Variants in CNTN4 observed in about 807,000 individuals in gnomAD.
CNTN4 encodes contactin 4.
Under a neutral mutation model 122.5 loss-of-function variants are expected in CNTN4, and 77 were observed. That is an observed-to-expected ratio of 0.63 (90% confidence interval 0.52 to 0.76). The LOEUF (loss-of-function observed/expected upper bound fraction) is 0.76, where lower values mean the gene tolerates loss of function less well. Ranked by LOEUF, CNTN4 falls within the 30% of genes least tolerant of loss-of-function variation. CNTN4 has a pLI of 0.00. For missense variants in CNTN4, 1,256 were observed against 1,259.1 expected (o/e 1.00, Z 0.04); for synonymous variants, 512 against 447.0 (o/e 1.15, Z -1.83).
chr3:3,057,843 C>T lies in CNTN4; in HGVS notation c.*1623C>T, dbSNP rs139363616. 671 of 151,856 alleles carry T rather than the reference C, an allele frequency of 4.4e-3. 9 individuals are homozygous for T. The highest frequency in any genetic ancestry group is 5.1e-3 in the Non-Finnish European group (344 of 67,836). 9.4% of individuals were successfully genotyped at this position (151,856 alleles called of 1,614,324 possible). ...AAAATCAGCAAAATAATAAAATGAACGAAAAAAAATGACACCCAGGGAGTT... is the reference window on the plus strand; with the variant it reads ...AAAATCAGCAAAATAATAAAATGAATGAAAAAAAATGACACCCAGGGAGTT... On this transcript the variant is annotated 3_prime_UTR_variant, in exon 25 of 25. Transcript: ENST00000418658.
intron 2 of CNTN4, among the ~76,000 whole-genome samples, chr3:2,114,279 C>G (rs2033180774): frequency 2.6e-5 from 4 of 151,646 alleles, no homozygotes; most frequent in Admixed American, 2.0e-4. Flanking sequence ...ATGGCAAAAC[C>G]CCATCTCAAA....
chr3:2,676,006 A>G (rs1161279977), intron 4 of CNTN4, among the ~76,000 whole-genome samples: 1 of 152,228 alleles, frequency 6.6e-6, no homozygotes, highest in Non-Finnish European at 1.5e-5. Flanking sequence ...CCATTTTAAA[A>G]TAATATAATG....
At chr3:2,120,406 T>TAAATATATATATATATATATATA (rs1491534107) in intron 2 of CNTN4, among the ~76,000 whole-genome samples, 1 of 24,576 alleles carries the variant, frequency 4.1e-5, no homozygotes, top group African/African-American at 1.3e-4. Flanking sequence ...TATATATATA[T>TAAATATATATATATATATATATA]TTTTTTTTTT....
intron 6 of CNTN4, among the ~76,000 whole-genome samples, chr3:2,752,635 G>A (rs919522111): frequency 6.6e-6 from 1 of 152,162 alleles, no homozygotes; most frequent in Non-Finnish European, 1.5e-5. Context: ...ACAGGCGTGA[G>A]CCACCGTGCC....
At chr3:2,981,437 C>A (rs887232000) in intron 13 of CNTN4, among the ~76,000 whole-genome samples, 1 of 152,030 alleles carries the variant, frequency 6.6e-6, no homozygotes, top group Admixed American at 6.5e-5. Flanking sequence ...GAGCGAGACT[C>A]CGTCTCAAAA....
intron 4 of CNTN4, among the ~76,000 whole-genome samples, chr3:2,653,206 A>G (rs1479543): frequency 0.18 from 26,852 of 152,062 alleles, 3,004 homozygotes; most frequent in South Asian, 0.34. Context: ...AAAATTGTAA[A>G]AAAAGCAAGG....
intron 14 of CNTN4, among the ~76,000 whole-genome samples, chr3:3,004,563 C>T (rs536439479): frequency 9.2e-5 from 14 of 152,286 alleles, no homozygotes; most frequent in Admixed American, 2.6e-4. Context: ...TGAAGATAGA[C>T]AAATCAGGTT....
intron 4 of CNTN4, among the ~76,000 whole-genome samples, chr3:2,584,357 A>C (rs1437539043): frequency 6.6e-6 from 1 of 152,180 alleles, no homozygotes; most frequent in East Asian, 1.9e-4. Context: ...TATTCTTCCA[A>C]GTAGGAGGGT....
intron 3 of CNTN4, among the ~76,000 whole-genome samples, chr3:2,425,307 G>A (rs1373938413): frequency 6.6e-6 from 1 of 152,116 alleles, no homozygotes; most frequent in Non-Finnish European, 1.5e-5. Context: ...AGTTTTCCCA[G>A]CACCATTTAT....
intron 4 of CNTN4, among the ~76,000 whole-genome samples, chr3:2,731,784 A>C (rs955548445): frequency 6.6e-6 from 1 of 152,266 alleles, no homozygotes; most frequent in Non-Finnish European, 1.5e-5. Context: ...TTCATTACTT[A>C]TAAATAAATG....
At chr3:2,124,448 A>ACG in intron 2 of CNTN4, among the ~76,000 whole-genome samples, 1 of 147,988 alleles carries the variant, frequency 6.8e-6, no homozygotes. Context: ...ACACACACAC[A>ACG]CACACACACA....
At chr3:2,409,494 G>T (rs1435275587) in intron 3 of CNTN4, among the ~76,000 whole-genome samples, 1 of 151,966 alleles carries the variant, frequency 6.6e-6, no homozygotes, top group Admixed American at 6.6e-5. Context: ...TGATCTGCAC[G>T]CCTCAGCCTC....
chr3:2,139,368 T>C (rs1224829994), intron 2 of CNTN4, among the ~76,000 whole-genome samples: 1 of 152,158 alleles, frequency 6.6e-6, no homozygotes, highest in Non-Finnish European at 1.5e-5. Flanking sequence ...ATAACCACTA[T>C]TGCTTACTAA....
At position 3,042,338 on chromosome 3, in the gene CNTN4, T is replaced by A; in HGVS notation, c.2427T>A (p.Phe809Leu). ...CCACCAAACCACCAGCCAGTATCTT[T>A]GCCAGAAGTCTTTCTGCCACAGATA... ...EEPTKPPASI[F>L]ARSLSATDIE... The change falls in exon 21 of 25, where the codon TTT becomes TTA. Residue 809 changes from phenylalanine to leucine, a missense_variant. Transcript: ENST00000418658. The A allele has an allele frequency of 6.2e-7, 1 of 1,614,172 alleles. No individual in the cohort carries two copies. Among genetic ancestry groups the A allele is most frequent in the Non-Finnish European group, 8.5e-7 (1 of 1,179,994 alleles).
At chr3:2,630,024 G>C (rs1282139089) in intron 4 of CNTN4, among the ~76,000 whole-genome samples, 1 of 152,156 alleles carries the variant, frequency 6.6e-6, no homozygotes, top group African/African-American at 2.4e-5. Flanking sequence ...ACCTGCTTTT[G>C]TAAATGAAGT....
intron 13 of CNTN4, among the ~76,000 whole-genome samples, chr3:2,981,309 TGGC>T (rs1239808218): frequency 6.6e-6 from 1 of 151,654 alleles, no homozygotes; most frequent in East Asian, 1.9e-4. Flanking sequence ...CCGGGCGTGG[TGGC>T]GGGCGCCTGT....
In CNTN4 at chr3:2,413,237, A is replaced by T. The variant is rs531296907; in HGVS notation, c.-89+74004A>T. On this transcript the variant is annotated intron_variant, in intron 3 of 24. Coordinates refer to ENST00000418658, the MANE Select transcript of CNTN4 (RefSeq NM_175607.3). The stretch of plus-strand genomic sequence containing the variant: ...AGTGAATGATAACAACCAGAGAGAG[A>T]TTGCTTCTTGACTACAAATAATGAG... Among the ~76,000 whole-genome samples the T allele has an allele frequency of 5.1e-4, 78 of 152,310 alleles. 1 individual carries two copies. The South Asian group carries it at 8.1e-3, about 16-fold the overall frequency.
intron 8 of CNTN4, among the ~76,000 whole-genome samples, chr3:2,878,169 G>C (rs912954590): frequency 2.0e-5 from 3 of 152,028 alleles, no homozygotes; most frequent in African/African-American, 4.8e-5. Flanking sequence ...TGATGACTCT[G>C]TTATTCACGT....
At chr3:2,863,444 CTTTTTTTTTTTT>C (rs5846228) in intron 7 of CNTN4, among the ~76,000 whole-genome samples, 1 of 92,364 alleles carries the variant, frequency 1.1e-5, no homozygotes, top group East Asian at 2.9e-4. Context: ...ATGGTTTCTT[CTTTTTTTTTTTT>C]TTTTTTTTCA....
Sources: allele counts gnomAD v4.1 joint callset (sites outside exome capture counted in the v4.1 genomes callset), GRCh38; gene constraint gnomAD v4.1.1; transcripts MANE v1.5; gene names NCBI Gene and HGNC (gene_info 2026-07-23, HGNC 2026-07-21).